Variants in FHOD3 observed in about 807,000 individuals in gnomAD.
The protein encoded by FHOD3 is formin homology 2 domain containing 3, also known as FH1/FH2 domain-containing protein 3.
In FHOD3, 90 loss-of-function variants were observed where a neutral mutation model predicts 173.0. The observed-to-expected ratio is 0.52, with a 90% CI of 0.44 to 0.62. The LOEUF (loss-of-function observed/expected upper bound fraction) is 0.62. Among genes scored for constraint, FHOD3 ranks in the 20% least tolerant of loss-of-function variants. FHOD3 has a pLI of 0.00. For missense variants in FHOD3, 1,945 were observed against 2,034.7 expected (o/e 0.96, Z 0.85); for synonymous variants, 828 against 823.0 (o/e 1.01, Z -0.10).
intron 20 of FHOD3, among the ~76,000 whole-genome samples, chr18:36,733,720 G>C (rs756894252): frequency 1.3e-5 from 2 of 152,180 alleles, no homozygotes; most frequent in Non-Finnish European, 2.9e-5. Flanking sequence ...ACGGATATGG[G>C]AGTAGCAGCA....
chr18:36,540,151 G>C (rs2057150259), intron 5 of FHOD3, among the ~76,000 whole-genome samples: 1 of 152,176 alleles, frequency 6.6e-6, no homozygotes, highest in African/African-American at 2.4e-5. Context: ...TTTAAGAGGG[G>C]AAAATTCTGC....
At chr18:36,329,959 T>C (rs2044899168) in intron 1 of FHOD3, among the ~76,000 whole-genome samples, 2 of 152,186 alleles carry the variant, frequency 1.3e-5, no homozygotes, top group East Asian at 3.8e-4. Flanking sequence ...GTGAGGTCTC[T>C]GAAGAAAGAA....
At position 36,718,124 on chromosome 18, in the gene FHOD3, G is replaced by A; in HGVS notation, c.2826G>A (p.Glu942=). The change falls in exon 19 of 29, where the codon GAG becomes GAA. Residue 942 remains glutamate, a synonymous_variant. Coordinates refer to ENST00000590592, the MANE Select transcript of FHOD3 (RefSeq NM_001281740.3). The part of the protein sequence containing the change: ...DNRGSVKAFA[E]KFNSGDLGRG... ...GGGGCAGTGTGAAAGCATTTGCTGA[G>A]AAATTCAACAGTGGGGACCTGGGGA... 6.2e-7 allele frequency: 1 copy of A among 1,602,946 alleles called. No homozygotes were observed. Among genetic ancestry groups the A allele is most frequent in the East Asian group, 2.2e-5 (1 of 44,776 alleles).
intron 5 of FHOD3, among the ~76,000 whole-genome samples, chr18:36,513,373 C>T (rs771406785): frequency 1.8e-4 from 28 of 152,254 alleles, no homozygotes; most frequent in South Asian, 4.2e-4. Flanking sequence ...AAAGTCAATT[C>T]CCATAGTGTG....
chr18:36,326,269 C>T (rs2044667297), intron 1 of FHOD3, among the ~76,000 whole-genome samples: 2 of 152,112 alleles, frequency 1.3e-5, no homozygotes, highest in Admixed American at 6.6e-5. Context: ...TTCTAATTTT[C>T]CTTTATATCT....
chr18:36,408,837 C>T (rs1180762478), intron 3 of FHOD3, among the ~76,000 whole-genome samples: 4 of 152,094 alleles, frequency 2.6e-5, no homozygotes, highest in Admixed American at 1.3e-4. Context: ...GCAGATGGGC[C>T]GCATGACTCT....
At chr18:36,362,662 G>C (rs1157567763) in intron 2 of FHOD3, among the ~76,000 whole-genome samples, 1 of 152,134 alleles carries the variant, frequency 6.6e-6, no homozygotes, top group African/African-American at 2.4e-5. Flanking sequence ...ACCAGTCCCT[G>C]GCTGTAGGGA....
chr18:36,675,728 A>G (rs1033459290), intron 14 of FHOD3, among the ~76,000 whole-genome samples: 1 of 152,186 alleles, frequency 6.6e-6, no homozygotes, highest in Non-Finnish European at 1.5e-5. Flanking sequence ...TATTATTCTG[A>G]CTTCATGCAT....
At chr18:36,753,021 G>A (rs958855105) in intron 24 of FHOD3, among the ~76,000 whole-genome samples, 1 of 152,074 alleles carries the variant, frequency 6.6e-6, no homozygotes, top group African/African-American at 2.4e-5. Flanking sequence ...TAAATGGTTA[G>A]GTAGTGACCT....
At chr18:36,595,350 C>T (rs1428054115) in intron 7 of FHOD3, among the ~76,000 whole-genome samples, 5 of 152,156 alleles carry the variant, frequency 3.3e-5, no homozygotes, top group Admixed American at 1.3e-4. Context: ...TTAACCTATG[C>T]TCCTGGCCAC....
chr18:36,729,564 G>A (rs2041250108), intron 19 of FHOD3, among the ~76,000 whole-genome samples: 1 of 152,184 alleles, frequency 6.6e-6, no homozygotes, highest in South Asian at 2.1e-4. Flanking sequence ...TTTCTAGTGA[G>A]GGCACTTTTC....
intron 3 of FHOD3, among the ~76,000 whole-genome samples, chr18:36,392,154 T>A (rs1316944632): frequency 2.0e-5 from 3 of 152,124 alleles, no homozygotes; most frequent in Non-Finnish European, 2.9e-5. Context: ...CCAGCTCCAT[T>A]TTCTTACCTG....
intron 3 of FHOD3, among the ~76,000 whole-genome samples, chr18:36,438,485 T>C (rs964410343): frequency 6.6e-6 from 1 of 152,164 alleles, no homozygotes; most frequent in Non-Finnish European, 1.5e-5. Context: ...TCAGTAGCCC[T>C]TCTGCCCAGA....
intron 3 of FHOD3, among the ~76,000 whole-genome samples, chr18:36,408,851 A>G (rs753925056): frequency 6.6e-5 from 10 of 152,178 alleles, no homozygotes; most frequent in African/African-American, 9.7e-5. Flanking sequence ...TGACTCTACC[A>G]TGAATGGGTT....
chr18:36,574,856 A>G (rs1293183863), intron 5 of FHOD3, among the ~76,000 whole-genome samples: 1 of 152,152 alleles, frequency 6.6e-6, no homozygotes, highest in Non-Finnish European at 1.5e-5. Flanking sequence ...TTCTCAAAAT[A>G]TACTGCTTAT....
At chr18:36,709,017 C>T in intron 17 of FHOD3, 78 bp from the exon 18 acceptor site, 1 of 1,520,956 alleles carries the variant, frequency 6.6e-7, no homozygotes, top group Non-Finnish European at 8.9e-7. Context: ...GAGAAATCAA[C>T]CTCACATTCA....
In FHOD3 at chr18:36,681,543, T is replaced by C. The variant is rs144993045; in HGVS notation, c.1943T>C (p.Ile648Thr). The C allele has an allele frequency of 9.0e-5, 146 of 1,613,618 alleles. No individual in the cohort carries two copies. The highest frequency in any genetic ancestry group is 1.1e-4 in the Non-Finnish European group (133 of 1,179,836). The change falls in exon 15 of 29, where the codon ATA becomes ACA. Residue 648 changes from isoleucine (I) to threonine (T), a missense_variant. Coordinates refer to ENST00000590592, the MANE Select transcript of FHOD3 (RefSeq NM_001281740.3). ...RQEREERLQR[I>T]EREERNKFSR... Reference sequence around the variant, plus strand: ...GAGAGAGAAGAAAGGTTGCAGAGAATAGAGCGGGAAGAAAGAAACAAATTC... The same window carrying C: ...GAGAGAGAAGAAAGGTTGCAGAGAACAGAGCGGGAAGAAAGAAACAAATTC...
intron 7 of FHOD3, among the ~76,000 whole-genome samples, chr18:36,597,992 T>C (rs1301946059): frequency 6.6e-6 from 1 of 152,192 alleles, no homozygotes; most frequent in African/African-American, 2.4e-5. Context: ...GAATTAAACA[T>C]ATAAATATGC....
At chr18:36,634,971 G>A (rs2034779830) in intron 10 of FHOD3, among the ~76,000 whole-genome samples, 1 of 152,190 alleles carries the variant, frequency 6.6e-6, no homozygotes, top group African/African-American at 2.4e-5. Context: ...AGATTTATCT[G>A]ATGGTAAGTG....
Sources: gnomAD v4.1 joint callset for allele counts (sites outside exome capture counted in the v4.1 genomes callset) on GRCh38, gnomAD v4.1.1 for gene constraint, MANE v1.5 for transcripts, NCBI Gene and HGNC (gene_info 2026-07-23, HGNC 2026-07-21) for gene names.